The following THEMIS variants were observed in gnomAD, a reference collection of about 807,000 sequenced individuals.
THEMIS encodes thymocyte selection associated.
THEMIS carries 37 observed loss-of-function variants against 52.6 expected under a neutral mutation model. The ratio of observed to expected loss-of-function variants is 0.70; its 90% CI spans 0.54 to 0.93. The LOEUF (loss-of-function observed/expected upper bound fraction) is 0.93. Among genes scored for constraint, THEMIS ranks in the 40% least tolerant of loss-of-function variants. The pLI, the probability that THEMIS is intolerant of heterozygous loss-of-function variation, is 0.00. For synonymous variants in THEMIS, 292 were observed against 272.7 expected (o/e 1.07, Z -0.70); for missense variants, 808 against 763.1 (o/e 1.06, Z -0.69).
Position 127,750,810 on chromosome 6 carries a change from A to G in THEMIS, c.1759-30987T>C, listed in dbSNP as rs533313110. Among the ~76,000 whole-genome samples, 22 of 151,978 alleles carry G rather than the reference A, an allele frequency of 1.4e-4. 1 individual carries two copies. The East Asian group carries it at 3.7e-3, about 25-fold the overall frequency. ...TTTCTTAGCAGAAACCCTACAGGCC[A>G]GGAGAGTAAGATTATATATTCCAAG... On this transcript the variant is annotated intron_variant, in intron 4 of 5. Transcript: ENST00000368248.
At chr6:127,734,885 A>T (rs1221399899) in intron 4 of THEMIS, among the ~76,000 whole-genome samples, 2 of 128,744 alleles carry the variant, frequency 1.6e-5, no homozygotes, top group African/African-American at 5.8e-5. Flanking sequence ...AAAAAAAAAA[A>T]AAAAAAAAAA....
intron 3 of THEMIS, among the ~76,000 whole-genome samples, chr6:127,822,025 A>T (rs1778357656): frequency 2.0e-5 from 3 of 151,994 alleles, no homozygotes; most frequent in Admixed American, 2.0e-4. Context: ...TTATTTAATA[A>T]TAATAATCTC....
chr6:127,744,879 G>T (rs1462421854), intron 4 of THEMIS, among the ~76,000 whole-genome samples: 2 of 151,564 alleles, frequency 1.3e-5, no homozygotes, highest in African/African-American at 4.8e-5. Flanking sequence ...AAAGATTCAA[G>T]GAGACTTTTG....
chr6:127,766,024 G>C (rs1283487102), intron 4 of THEMIS, among the ~76,000 whole-genome samples: 3 of 152,006 alleles, frequency 2.0e-5, no homozygotes, highest in Non-Finnish European at 2.9e-5. Context: ...GTGGCTAGTG[G>C]CTAATGTAGA....
At chr6:127,826,516 G>A (rs1019748532) in intron 3 of THEMIS, among the ~76,000 whole-genome samples, 2 of 151,984 alleles carry the variant, frequency 1.3e-5, no homozygotes, top group African/African-American at 2.4e-5. Context: ...AATTTGAGAG[G>A]CATTGAGATT....
intron 4 of THEMIS, among the ~76,000 whole-genome samples, chr6:127,773,763 A>G (rs1363531039): frequency 2.6e-5 from 4 of 152,230 alleles, no homozygotes; most frequent in Admixed American, 6.5e-5. Context: ...AATTTATGAC[A>G]GAGAAAAAAA....
chr6:127,880,144 C>A (rs1210260625), intron 1 of THEMIS, among the ~76,000 whole-genome samples: 1 of 151,976 alleles, frequency 6.6e-6, no homozygotes, highest in Non-Finnish European at 1.5e-5. Context: ...ATATGTTCCC[C>A]TTTTCCATGC....
intron 1 of THEMIS, among the ~76,000 whole-genome samples, chr6:127,913,793 T>A (rs542006474): frequency 6.6e-6 from 1 of 152,334 alleles, no homozygotes; most frequent in South Asian, 2.1e-4. Context: ...TAGAATTCAA[T>A]CACAAGTACT....
intron 4 of THEMIS, among the ~76,000 whole-genome samples, chr6:127,735,799 G>A (rs1489335725): frequency 6.6e-6 from 1 of 152,200 alleles, no homozygotes; most frequent in African/African-American, 2.4e-5. Flanking sequence ...GCTACAAGAT[G>A]TTGGAACAGG....
intron 4 of THEMIS, among the ~76,000 whole-genome samples, chr6:127,752,602 T>A (rs557329598): frequency 4.6e-5 from 7 of 151,508 alleles, no homozygotes; most frequent in African/African-American, 1.7e-4. Flanking sequence ...CCTAGAAACA[T>A]GCAAACTACC....
intron 4 of THEMIS, among the ~76,000 whole-genome samples, chr6:127,791,665 C>G (rs1583282641): frequency 6.6e-6 from 1 of 152,276 alleles, no homozygotes; most frequent in East Asian, 1.9e-4. Context: ...ACCTGCTCTC[C>G]ATGGTGCCTA....
chr6:127,852,036 A>T (rs533783467), intron 2 of THEMIS, among the ~76,000 whole-genome samples: 75 of 151,760 alleles, frequency 4.9e-4, no homozygotes, highest in Middle Eastern at 3.4e-3. Flanking sequence ...GTTTGAAAGT[A>T]AAAGAATAAA....
At chr6:127,861,682 G>T (rs1218105845) in intron 1 of THEMIS, among the ~76,000 whole-genome samples, 2 of 151,304 alleles carry the variant, frequency 1.3e-5, no homozygotes, top group African/African-American at 4.9e-5. Flanking sequence ...ACCTGGGGAG[G>T]CTGAGGCAGG....
intron 2 of THEMIS, among the ~76,000 whole-genome samples, chr6:127,837,033 C>T (rs553191639): frequency 2.6e-4 from 39 of 152,226 alleles, no homozygotes; most frequent in Non-Finnish European, 4.9e-4. Context: ...TTGTTGATCA[C>T]TTTAGACACT....
intron 5 of THEMIS, among the ~76,000 whole-genome samples, chr6:127,712,910 T>C (rs559769239): frequency 1.3e-5 from 2 of 152,036 alleles, no homozygotes; most frequent in African/African-American, 4.8e-5. Flanking sequence ...CTGAAGTATG[T>C]CTAAAAGTAA....
intron 4 of THEMIS, among the ~76,000 whole-genome samples, chr6:127,732,650 T>C (rs1003878812): frequency 1.3e-5 from 2 of 152,254 alleles, no homozygotes; most frequent in African/African-American, 4.8e-5. Flanking sequence ...CTTTGAATCA[T>C]ATAACATATT....
intron 4 of THEMIS, among the ~76,000 whole-genome samples, chr6:127,791,225 C>A (rs1777144707): frequency 6.6e-6 from 1 of 152,148 alleles, no homozygotes; most frequent in Admixed American, 6.5e-5. Context: ...TATTGAGCAA[C>A]AGAACAGCTC....
chr6:127,810,490 G>A (rs1777866487), intron 4 of THEMIS, among the ~76,000 whole-genome samples: 1 of 152,126 alleles, frequency 6.6e-6, no homozygotes, highest in South Asian at 2.1e-4. Context: ...AGGGCTTGGG[G>A]AAAGAGTTCC....
At position 127,874,637 on chromosome 6, in the gene THEMIS, T is replaced by C. The variant is rs9491883; in HGVS notation, c.92-19449A>G. Among the ~76,000 whole-genome samples, 271 of 152,294 alleles carry C rather than the reference T, an allele frequency of 1.8e-3. 4 individuals carry two copies. Among genetic ancestry groups the C allele is most frequent in the African/African-American group, 5.9e-3 (247 of 41,570 alleles). The stretch of plus-strand genomic sequence containing the variant: ...GGACCCACAAAATTCAAACCATTTG[T>C]TCAAGAGTCAAGTGTACTAAACTTC... On this transcript the variant is annotated intron_variant, in intron 1 of 5. Transcript: ENST00000368248.
Sources: allele counts gnomAD v4.1 joint callset (sites outside exome capture counted in the v4.1 genomes callset), GRCh38; gene constraint gnomAD v4.1.1; transcripts MANE v1.5; gene names NCBI Gene and HGNC (gene_info 2026-07-23, HGNC 2026-07-21).